Variants in APBB2 observed in about 807,000 individuals in gnomAD.
The protein encoded by APBB2 is Fe65-like 1.
In APBB2, 38 loss-of-function variants were observed where a neutral mutation model predicts 82.5. The ratio of observed to expected loss-of-function variants is 0.46; its 90% CI spans 0.36 to 0.60. The LOEUF (loss-of-function observed/expected upper bound fraction) is 0.60, where lower values mean the gene tolerates loss of function less well. Ranked by LOEUF, APBB2 falls within the 20% of genes least tolerant of loss-of-function variation. The pLI, the probability that APBB2 is intolerant of heterozygous loss-of-function variation, is 0.00. For synonymous variants in APBB2, 341 were observed against 368.2 expected (o/e 0.93, Z 0.85); for missense variants, 772 against 972.3 (o/e 0.79, Z 2.74).
chr4:41,135,916 T>C (rs185356948), intron 2 of APBB2, among the ~76,000 whole-genome samples: 65 of 152,280 alleles, frequency 4.3e-4, no homozygotes, highest in Admixed American at 3.8e-3. Context: ...AGCAATTCTC[T>C]TGCCTCAGCC....
chr4:41,181,543 T>C (rs2154063866), intron 1 of APBB2, among the ~76,000 whole-genome samples: 1 of 152,342 alleles, frequency 6.6e-6, no homozygotes. Flanking sequence ...ATTTCTTCCC[T>C]TATGACTTCA....
At chr4:41,123,101 GCT>G (rs150789404) in intron 2 of APBB2, among the ~76,000 whole-genome samples, 2 of 148,830 alleles carry the variant, frequency 1.3e-5, no homozygotes, top group South Asian at 2.1e-4. Context: ...TCTTGCCCCA[GCT>G]CTCTCTCTCT....
chr4:41,116,639 TAA>T, intron 2 of APBB2, among the ~76,000 whole-genome samples: 1 of 152,070 alleles, frequency 6.6e-6, no homozygotes, highest in African/African-American at 2.4e-5. Context: ...CTCAAAAAAA[TAA>T]AGTCATGCTA....
intron 12 of APBB2, among the ~76,000 whole-genome samples, chr4:40,878,750 T>G (rs1767575084): frequency 6.6e-6 from 1 of 152,196 alleles, no homozygotes; most frequent in South Asian, 2.1e-4. Flanking sequence ...ACCCACTCTG[T>G]GTTCCTTTAT....
intron 4 of APBB2, among the ~76,000 whole-genome samples, chr4:41,041,625 G>T (rs1169974763): frequency 6.6e-6 from 1 of 152,092 alleles, no homozygotes; most frequent in Non-Finnish European, 1.5e-5. Context: ...AAAAAGTTGT[G>T]GCAATAAAGG....
rs142806411 is a variant in APBB2 at position 40,931,302 on chromosome 4, A to C, written c.1254+3154T>G. Among the ~76,000 whole-genome samples the C allele has an allele frequency of 2.7e-3, 413 of 152,302 alleles. 2 individuals carry two copies. Among genetic ancestry groups the C allele is most frequent in the African/African-American group, 9.3e-3 (385 of 41,564 alleles). On this transcript the variant is annotated intron_variant, in intron 10 of 17. Coordinates refer to ENST00000508593, the MANE Select transcript of APBB2 (RefSeq NM_004307.2). The stretch of plus-strand genomic sequence containing the variant: ...CCTCCAATGTGTCTTCACTGAAGTC[A>C]GCTCTGAACTCATGGACTTCTCATG...
chr4:40,850,308 G>A (rs1306843856), intron 12 of APBB2, among the ~76,000 whole-genome samples: 2 of 152,102 alleles, frequency 1.3e-5, no homozygotes, highest in Non-Finnish European at 2.9e-5. Flanking sequence ...TTTGAGTTTG[G>A]CTTCCTGTTA....
At chr4:40,850,538 A>T (rs896963996) in intron 12 of APBB2, among the ~76,000 whole-genome samples, 1 of 152,196 alleles carries the variant, frequency 6.6e-6, no homozygotes, top group Non-Finnish European at 1.5e-5. Flanking sequence ...GGTCCTTCAG[A>T]TCAGGGATCA....
At chr4:41,102,927 A>G (rs1395575143) in intron 2 of APBB2, among the ~76,000 whole-genome samples, 1 of 152,150 alleles carries the variant, frequency 6.6e-6, no homozygotes, top group Non-Finnish European at 1.5e-5. Context: ...TGTGTCCCCA[A>G]CTGCATTCCT....
At chr4:40,915,961 T>C (rs918301282) in intron 10 of APBB2, among the ~76,000 whole-genome samples, 1 of 152,108 alleles carries the variant, frequency 6.6e-6, no homozygotes, top group Non-Finnish European at 1.5e-5. Context: ...CTGGGCCCTG[T>C]GTGAGTGAAG....
intron 3 of APBB2, among the ~76,000 whole-genome samples, chr4:41,078,874 G>A (rs943589431): frequency 6.6e-6 from 1 of 152,198 alleles, no homozygotes. Flanking sequence ...GAGTTCTGAT[G>A]AGAGGCACAT....
chr4:40,927,792 T>C (rs1329135307), intron 10 of APBB2, among the ~76,000 whole-genome samples: 1 of 152,180 alleles, frequency 6.6e-6, no homozygotes, highest in African/African-American at 2.4e-5. Flanking sequence ...GCCCCTCTTC[T>C]TTAAAGATGT....
At position 40,810,636 on chromosome 4, in the gene APBB2, G is replaced by T. The variant is rs1483495154; in HGVS notation, c.*5456C>A. On this transcript the variant is annotated 3_prime_UTR_variant, in exon 18 of 18. Coordinates refer to ENST00000508593, the MANE Select transcript of APBB2 (RefSeq NM_004307.2). Reference sequence around the variant, plus strand: ...AAGAAAGGAAACAAGACTTTTTATAGTTGAACCAGGCTTATTGTATTTTAA... The same window carrying T: ...AAGAAAGGAAACAAGACTTTTTATATTTGAACCAGGCTTATTGTATTTTAA... The T allele has an allele frequency of 1.4e-5, 2 of 146,270 alleles. No homozygotes were observed. Among genetic ancestry groups the T allele is most frequent in the African/African-American group, 5.0e-5 (2 of 39,782 alleles). 9.1% of individuals were successfully genotyped at this position (146,270 alleles called of 1,614,324 possible). A position where few individuals can be genotyped will look rare whatever the true frequency, so the allele number is the denominator to read the frequency against.
intron 3 of APBB2, among the ~76,000 whole-genome samples, chr4:41,081,775 T>A (rs1432627070): frequency 6.6e-6 from 1 of 152,210 alleles, no homozygotes; most frequent in Admixed American, 6.5e-5. Flanking sequence ...AACTTGAAAT[T>A]TTTTTAACTA....
chr4:40,955,766 AT>A (rs1208765323), intron 6 of APBB2, among the ~76,000 whole-genome samples: 8 of 150,188 alleles, frequency 5.3e-5, no homozygotes, highest in South Asian at 2.1e-4. Context: ...ACCAAAACAT[AT>A]TTTTCTTTTT....
intron 2 of APBB2, among the ~76,000 whole-genome samples, chr4:41,112,128 G>C (rs1461607269): frequency 6.6e-6 from 1 of 152,172 alleles, no homozygotes; most frequent in Non-Finnish European, 1.5e-5. Flanking sequence ...AGGTGAGGTG[G>C]AAAAGAAATG....
intron 10 of APBB2, among the ~76,000 whole-genome samples, chr4:40,911,763 CAGA>C (rs768012116): frequency 0.095 from 14,436 of 152,236 alleles, 780 homozygotes; most frequent in Middle Eastern, 0.16. Context: ...CAGCTGGTCC[CAGA>C]CCAACACCTA....
Position 41,086,520 on chromosome 4 carries a change from TG to T in APBB2, c.-149+14118del, listed in dbSNP as rs531125194. ...CAAGGATAGTTCAACATATGAAAATTGATCAATGAAATGCACCATGTTAACA... is the reference window on the plus strand; with the variant it reads ...CAAGGATAGTTCAACATATGAAAATTATCAATGAAATGCACCATGTTAACA... On this transcript the variant is annotated intron_variant, in intron 3 of 17. Coordinates refer to ENST00000508593, the MANE Select transcript of APBB2 (RefSeq NM_004307.2). 5.3e-4 allele frequency among the ~76,000 whole-genome samples: 80 copies of T among 152,256 alleles called. 1 individual carries two copies. The highest frequency in any genetic ancestry group is 9.4e-4 in the Non-Finnish European group (64 of 68,018).
intron 12 of APBB2, chr4:40,857,128 G>C: frequency 1.0e-6 from 1 of 985,514 alleles, no homozygotes; most frequent in Non-Finnish European, 1.2e-6. Flanking sequence ...CGCTCAAGCA[G>C]CCGCGCGCAC....
Sources: gnomAD v4.1 joint callset for allele counts (sites outside exome capture counted in the v4.1 genomes callset) on GRCh38, gnomAD v4.1.1 for gene constraint, MANE v1.5 for transcripts, NCBI Gene and HGNC (gene_info 2026-07-23, HGNC 2026-07-21) for gene names.